Variants in TANC2 observed in about 807,000 individuals in gnomAD.
TANC2 encodes the protein protein TANC2.
TANC2 carries 26 observed loss-of-function variants against 210.5 expected under a neutral mutation model. The ratio of observed to expected loss-of-function variants is 0.12; its 90% CI spans 0.09 to 0.17. The LOEUF is 0.17. TANC2 is among the 10% of genes least tolerant of loss of function. TANC2 has a pLI of 1.00. For missense variants in TANC2, 2,129 were observed against 2,608.9 expected (o/e 0.82, Z 4.01); for synonymous variants, 931 against 967.1 (o/e 0.96, Z 0.69).
intron 11 of TANC2, among the ~76,000 whole-genome samples, chr17:63,333,146 A>G (rs1418374722): frequency 6.6e-6 from 1 of 152,194 alleles, no homozygotes; most frequent in Admixed American, 6.5e-5. Context: ...CTTAAGAAAT[A>G]CTTTTCATGA....
chr17:63,412,729 G>T lies in TANC2; in HGVS notation c.3928+20G>T. 6.5e-7 allele frequency: 1 copy of T among 1,535,650 alleles called. No individual in the cohort carries two copies. The highest frequency in any genetic ancestry group is 8.7e-7 in the Non-Finnish European group (1 of 1,146,860). The stretch of plus-strand genomic sequence containing the variant: ...CACGAGGTATATTTCACCGCTGTCA[G>T]CATCAGGCGTGGTCTGATGGCTTGG... On this transcript the variant is annotated intron_variant, in intron 24 of 27. Coordinates refer to ENST00000689528, the Ensembl canonical transcript of TANC2. The surrounding 1 kb of genome is among the most constrained non-coding windows in gnomAD (Gnocchi z 4.2).
intron 2 of TANC2, among the ~76,000 whole-genome samples, chr17:63,057,621 T>C (rs187723257): frequency 6.3e-4 from 96 of 152,250 alleles, no homozygotes; most frequent in African/African-American, 2.2e-3. Flanking sequence ...GTCTGTTGTT[T>C]CCCTCTTTGT....
chr17:63,212,600 A>G (rs962553772), intron 7 of TANC2, among the ~76,000 whole-genome samples: 1 of 152,132 alleles, frequency 6.6e-6, no homozygotes, highest in Non-Finnish European at 1.5e-5. Context: ...TATTCTGTTT[A>G]TTTATTATTT....
At chr17:63,141,149 G>T (rs1232290737) in intron 4 of TANC2, among the ~76,000 whole-genome samples, 1 of 151,930 alleles carries the variant, frequency 6.6e-6, no homozygotes, top group Non-Finnish European at 1.5e-5. Context: ...TTGGACAAGA[G>T]ATCTTATGAT....
At chr17:63,378,290 C>T (rs111304406) in intron 14 of TANC2, among the ~76,000 whole-genome samples, 300 of 151,956 alleles carry the variant, frequency 2.0e-3, no homozygotes, top group African/African-American at 7.0e-3. Flanking sequence ...AGATTTCTTT[C>T]GTGAATGTAA....
chr17:63,120,227 T>C (rs904633008), intron 4 of TANC2, among the ~76,000 whole-genome samples: 11 of 152,168 alleles, frequency 7.2e-5, no homozygotes, highest in African/African-American at 2.7e-4. Context: ...TATTAACCTA[T>C]TTGTTTGTTT....
At chr17:63,097,438 C>T (rs1192111333) in intron 3 of TANC2, among the ~76,000 whole-genome samples, 2 of 152,082 alleles carry the variant, frequency 1.3e-5, no homozygotes, top group African/African-American at 4.8e-5. Flanking sequence ...CAAAAAACTG[C>T]AATTAGTTTT....
At chr17:62,978,704 G>C (rs1471685108) in intron 1 of TANC2, 2 of 152,124 alleles carry the variant, frequency 1.3e-5, no homozygotes, top group Non-Finnish European at 2.9e-5. Flanking sequence ...TGGAAATGTT[G>C]GCCTGAATCT....
At chr17:63,328,163 G>A (rs183286189) in intron 11 of TANC2, among the ~76,000 whole-genome samples, 15 of 152,160 alleles carry the variant, frequency 9.9e-5, no homozygotes, top group Non-Finnish European at 1.8e-4. Flanking sequence ...ACAAGAAAGA[G>A]AATAACAGAC....
chr17:63,108,318 A>T (rs1221417793), intron 4 of TANC2, among the ~76,000 whole-genome samples: 1 of 151,850 alleles, frequency 6.6e-6, no homozygotes, highest in African/African-American at 2.4e-5. Context: ...GTTTGAGGTG[A>T]TGGATATCTC....
chr17:63,408,546 G>A (rs1235800382), intron 21 of TANC2, among the ~76,000 whole-genome samples: 1 of 152,204 alleles, frequency 6.6e-6, no homozygotes, highest in Non-Finnish European at 1.5e-5. Flanking sequence ...TTGCATCTGA[G>A]AAAACGCCTT....
chr17:63,001,878 A>G (rs905671803), intron 1 of TANC2, among the ~76,000 whole-genome samples: 1 of 152,032 alleles, frequency 6.6e-6, no homozygotes, highest in Non-Finnish European at 1.5e-5. Context: ...GGGATTTGAT[A>G]TGGACAATGG....
At chr17:63,219,535 C>T (rs1490651004) in intron 7 of TANC2, among the ~76,000 whole-genome samples, 3 of 152,252 alleles carry the variant, frequency 2.0e-5, no homozygotes, top group East Asian at 1.9e-4. Flanking sequence ...CTCAGCCTCC[C>T]GAGTAGCTGG....
At chr17:63,266,607 C>G (rs1009859231) in intron 8 of TANC2, among the ~76,000 whole-genome samples, 2 of 152,078 alleles carry the variant, frequency 1.3e-5, no homozygotes, top group African/African-American at 4.8e-5. Flanking sequence ...TAGTATATAT[C>G]ATTGGTGGCA....
chr17:63,337,274 A>G (rs2046063489), intron 11 of TANC2, among the ~76,000 whole-genome samples: 2 of 152,028 alleles, frequency 1.3e-5, no homozygotes. Flanking sequence ...GTGCAACTTT[A>G]TTTATTTATT....
intron 4 of TANC2, among the ~76,000 whole-genome samples, chr17:63,106,919 G>A (rs1175094582): frequency 1.3e-5 from 2 of 151,500 alleles, no homozygotes; most frequent in African/African-American, 4.9e-5. Context: ...AGTAAGTGTA[G>A]TATTACTGTA....
intron 9 of TANC2, among the ~76,000 whole-genome samples, chr17:63,312,805 T>G (rs1386800578): frequency 6.6e-6 from 1 of 152,178 alleles, no homozygotes; most frequent in East Asian, 1.9e-4. Flanking sequence ...CCCTGTAGCT[T>G]TATCTCCACA....
intron 1 of TANC2, among the ~76,000 whole-genome samples, chr17:63,000,977 A>C (rs1419486143): frequency 6.6e-6 from 1 of 151,632 alleles, no homozygotes; most frequent in Non-Finnish European, 1.5e-5. Context: ...GCAAAAAAAA[A>C]AAAAAAAAAC....
At chr17:63,032,946 C>CCAT (rs2034831345) in intron 2 of TANC2, among the ~76,000 whole-genome samples, 2 of 152,126 alleles carry the variant, frequency 1.3e-5, no homozygotes, top group South Asian at 4.1e-4. Context: ...TTCTAGGTGC[C>CCAT]CATGGCTCCC....
Sources: gnomAD v4.1 joint callset for allele counts (sites outside exome capture counted in the v4.1 genomes callset) on GRCh38, gnomAD v4.1.1 for gene constraint, Gnocchi (gnomAD v3.1) non-coding constraint, MANE v1.5 for transcripts, NCBI Gene and HGNC (gene_info 2026-07-23, HGNC 2026-07-21) for gene names.